Variants in CFAP299 observed in about 807,000 individuals in gnomAD.
CFAP299 encodes cilia and flagella associated protein 299.
In CFAP299, 21 loss-of-function variants were observed where a neutral mutation model predicts 27.0. That is an observed-to-expected ratio of 0.78 (90% CI 0.55 to 1.12). CFAP299 has a LOEUF of 1.12. CFAP299 is among the 50% of genes most tolerant of loss of function. The probability of loss-of-function intolerance (pLI) is 0.00; values close to 1 mark genes in which losing one functional copy is unlikely to be tolerated. For missense variants in CFAP299, 310 were observed against 276.6 expected (o/e 1.12, Z -0.86); for synonymous variants, 104 against 98.1 (o/e 1.06, Z -0.36).
chr4:80,423,984 G>A (rs558768357), intron 2 of CFAP299, among the ~76,000 whole-genome samples: 14 of 152,294 alleles, frequency 9.2e-5, no homozygotes, highest in African/African-American at 3.4e-4. Context: ...TGGTCCTTCC[G>A]GGTGGCCATG....
At chr4:80,569,986 A>G (rs1040233666) in intron 2 of CFAP299, among the ~76,000 whole-genome samples, 2 of 151,764 alleles carry the variant, frequency 1.3e-5, no homozygotes, top group Non-Finnish European at 3.0e-5. Flanking sequence ...AAAATCAAAG[A>G]CATTTTGAAA....
At chr4:80,857,684 T>C (rs1303252959) in intron 3 of CFAP299, among the ~76,000 whole-genome samples, 3 of 152,200 alleles carry the variant, frequency 2.0e-5, no homozygotes, top group African/African-American at 7.2e-5. Flanking sequence ...TTGTCTTTGG[T>C]TCTGTTTATA....
At chr4:80,616,992 A>G (rs1738326311) in intron 3 of CFAP299, among the ~76,000 whole-genome samples, 1 of 152,168 alleles carries the variant, frequency 6.6e-6, no homozygotes, top group Non-Finnish European at 1.5e-5. Context: ...ATCTCTATAC[A>G]ACTAAAATGA....
chr4:80,802,807 T>C (rs1367267726), intron 3 of CFAP299, among the ~76,000 whole-genome samples: 2 of 152,020 alleles, frequency 1.3e-5, no homozygotes, highest in East Asian at 1.9e-4. Context: ...TAATACAATA[T>C]GTAAGAAATT....
intron 2 of CFAP299, among the ~76,000 whole-genome samples, chr4:80,376,013 A>G (rs1303758407): frequency 3.9e-5 from 6 of 152,242 alleles, no homozygotes; most frequent in African/African-American, 1.4e-4. Flanking sequence ...AAATGTATAC[A>G]GTAGTGTCAG....
intron 4 of CFAP299, among the ~76,000 whole-genome samples, chr4:80,903,023 A>G (rs1363886844): frequency 6.6e-6 from 1 of 152,120 alleles, no homozygotes; most frequent in Admixed American, 6.6e-5. Flanking sequence ...ATAATTTGCT[A>G]GATTCTTAGA....
At position 80,409,356 on chromosome 4, in the gene CFAP299, G is replaced by T. The variant is rs574577820; in HGVS notation, c.242+46472G>T. On this transcript the variant is annotated intron_variant, in intron 2 of 5. Coordinates refer to ENST00000358105, the MANE Select transcript of CFAP299 (RefSeq NM_152770.3). ...TGTTTGTAATATGTAGTATTATAAA[G>T]TACAAATTAAAATTATAGAATTCAA... 2.6e-5 allele frequency among the ~76,000 whole-genome samples: 4 copies of T among 152,166 alleles called. No individual in the cohort carries two copies. The East Asian group carries it at 7.7e-4, about 29-fold the overall frequency.
chr4:80,741,209 C>T (rs1322674406), intron 3 of CFAP299, among the ~76,000 whole-genome samples: 1 of 152,028 alleles, frequency 6.6e-6, no homozygotes, highest in Non-Finnish European at 1.5e-5. Flanking sequence ...CCTGGGTAAT[C>T]ACTGTTGGTT....
chr4:80,880,081 A>T (rs926090421), intron 4 of CFAP299, among the ~76,000 whole-genome samples: 3 of 152,132 alleles, frequency 2.0e-5, no homozygotes, highest in African/African-American at 7.2e-5. Flanking sequence ...GAACATAAAA[A>T]ATGAAGAATG....
chr4:80,355,209 TAGC>T (rs1384895594), intron 1 of CFAP299, among the ~76,000 whole-genome samples: 1 of 152,174 alleles, frequency 6.6e-6, no homozygotes, highest in Non-Finnish European at 1.5e-5. Context: ...TTTTTAGTAG[TAGC>T]CATTCCGATT....
intron 3 of CFAP299, among the ~76,000 whole-genome samples, chr4:80,734,383 T>C (rs944658013): frequency 2.6e-5 from 4 of 152,148 alleles, no homozygotes; most frequent in African/African-American, 7.2e-5. Context: ...GTCAGATGGG[T>C]ATTTTGCAAA....
intron 4 of CFAP299, among the ~76,000 whole-genome samples, chr4:80,936,147 T>C (rs921134784): frequency 2.0e-5 from 3 of 152,160 alleles, no homozygotes; most frequent in Non-Finnish European, 4.4e-5. Context: ...TCAAAGATGA[T>C]GATGAGCTTG....
intron 2 of CFAP299, among the ~76,000 whole-genome samples, chr4:80,466,985 A>G (rs1729735801): frequency 6.6e-6 from 1 of 152,238 alleles, no homozygotes; most frequent in Non-Finnish European, 1.5e-5. Context: ...TCAATTTTAC[A>G]TAGTAGAATT....
chr4:80,475,853 A>G (rs1214618835), intron 2 of CFAP299, among the ~76,000 whole-genome samples: 3 of 152,230 alleles, frequency 2.0e-5, no homozygotes, highest in South Asian at 4.1e-4. Context: ...TCCTAAATTT[A>G]GAGATCAGTT....
rs191274392 is a variant in CFAP299 at position 80,696,487 on chromosome 4, A to G, written c.333+113304A>G. ...TAGATGGCAATCAAATAACAATAAG[A>G]GACAGAAAAACAAATAAAAATAATA... On this transcript the variant is annotated intron_variant, in intron 3 of 5. Coordinates refer to ENST00000358105, the MANE Select transcript of CFAP299 (RefSeq NM_152770.3). Among the ~76,000 whole-genome samples the G allele has an allele frequency of 5.1e-3, 769 of 152,266 alleles. 4 individuals carry two copies. Among genetic ancestry groups the G allele is most frequent in the Middle Eastern group, 0.02 (6 of 294 alleles).
intron 1 of CFAP299, among the ~76,000 whole-genome samples, chr4:80,340,535 G>T (rs565710175): frequency 6.6e-6 from 1 of 152,294 alleles, no homozygotes; most frequent in Non-Finnish European, 1.5e-5. Flanking sequence ...CACTTCCCTT[G>T]CACCTCACAA....
chr4:80,735,718 G>A (rs1375166641), intron 3 of CFAP299, among the ~76,000 whole-genome samples: 1 of 152,082 alleles, frequency 6.6e-6, no homozygotes, highest in Non-Finnish European at 1.5e-5. Context: ...CCTTCATTCT[G>A]TTGATAAGAT....
intron 2 of CFAP299, among the ~76,000 whole-genome samples, chr4:80,428,264 G>A (rs1480501713): frequency 6.6e-6 from 1 of 152,022 alleles, no homozygotes; most frequent in Non-Finnish European, 1.5e-5. Context: ...TTCTTAATTT[G>A]AGCCAAGTTC....
chr4:80,575,929 C>A (rs937883595), intron 2 of CFAP299, among the ~76,000 whole-genome samples: 2 of 151,694 alleles, frequency 1.3e-5, no homozygotes, highest in Admixed American at 6.6e-5. Context: ...AGCAAACTAT[C>A]GCAAGGACAA....
Sources: allele counts gnomAD v4.1 joint callset (sites outside exome capture counted in the v4.1 genomes callset), GRCh38; gene constraint gnomAD v4.1.1; transcripts MANE v1.5; gene names NCBI Gene and HGNC (gene_info 2026-07-23, HGNC 2026-07-21).